TSEN2: variants seen among roughly 807,000 people sequenced by gnomAD.
TSEN2 encodes the protein tRNA splicing endonuclease subunit 2, also known as tRNA-splicing endonuclease subunit Sen2.
TSEN2 carries 54 observed loss-of-function variants against 59.2 expected under a neutral mutation model. That is an observed-to-expected ratio of 0.91 (90% CI 0.73 to 1.14). The LOEUF (loss-of-function observed/expected upper bound fraction) is 1.14. TSEN2 is among the 50% of genes most tolerant of loss of function. TSEN2 has a pLI of 0.00. For synonymous variants in TSEN2, 195 were observed against 198.2 expected (o/e 0.98, Z 0.14); for missense variants, 636 against 576.2 (o/e 1.10, Z -1.06).
rs778594128 is a variant in TSEN2, at chr3:12,503,639, T to G, written c.686T>G (p.Ile229Ser). 1.7e-5 allele frequency: 27 copies of G among 1,598,638 alleles called. No individual in the cohort carries two copies. In the South Asian group the frequency reaches 2.8e-4, roughly 17 times the overall value. The change falls in exon 5 of 12, where the codon ATC (isoleucine) becomes AGC (serine). Residue 229 changes from isoleucine (I) to serine (S), a missense_variant. Transcript: ENST00000284995. ...HVCCCKQDALILQRGLHHEDG... is the reference protein window; with the variant it reads ...HVCCCKQDALSLQRGLHHEDG... ...TGTTGCTGCAAACAAGATGCTCTCA[T>G]CCTCCAGCGTGGCCTTCATCATGAA...
chr3:12,514,162 G>C (rs2055802110), intron 6 of TSEN2, among the ~76,000 whole-genome samples: 1 of 152,202 alleles, frequency 6.6e-6, no homozygotes, highest in African/African-American at 2.4e-5. Flanking sequence ...CTTAGACTTG[G>C]TGGCCAGGGA....
chr3:12,490,010 T>G (rs974447422), intron 2 of TSEN2, 21 bp downstream of exon 2: 1 of 1,612,964 alleles, frequency 6.2e-7, no homozygotes, highest in Non-Finnish European at 8.5e-7. Flanking sequence ...GCAGCCTTGG[T>G]AAGATTACTT....
At chr3:12,494,145 G>A (rs1384857719) in intron 3 of TSEN2, among the ~76,000 whole-genome samples, 1 of 152,194 alleles carries the variant, frequency 6.6e-6, no homozygotes, top group Non-Finnish European at 1.5e-5. Flanking sequence ...AAAAGAAATA[G>A]CACAGGGCTA....
chr3:12,533,933 A>G (rs1004269897), downstream of TSEN2, among the ~76,000 whole-genome samples: 5 of 152,198 alleles, frequency 3.3e-5, no homozygotes, highest in African/African-American at 1.2e-4. Context: ...CTGTGTATTT[A>G]TCCCTGCAGC....
chr3:12,519,639 G>A (rs111973309), intron 8 of TSEN2, among the ~76,000 whole-genome samples: 10,051 of 152,148 alleles, frequency 0.066, 476 homozygotes, highest in Non-Finnish European at 0.099. Context: ...CCAGCTACTC[G>A]GGAGGCTGAG....
intron 6 of TSEN2, among the ~76,000 whole-genome samples, chr3:12,509,908 A>G (rs1405253618): frequency 3.9e-5 from 6 of 152,204 alleles, no homozygotes; most frequent in Admixed American, 3.3e-4. Flanking sequence ...GCCGAAGGGT[A>G]ATATAATTGG....
chr3:12,483,681 T>TC (rs2124848259), upstream of TSEN2, among the ~76,000 whole-genome samples: 1 of 152,234 alleles, frequency 6.6e-6, no homozygotes, highest in East Asian at 1.9e-4. Context: ...TTGCCACACT[T>TC]CCTTGCCATC....
chr3:12,483,034 T>A (rs2124845540), upstream of TSEN2, among the ~76,000 whole-genome samples: 1 of 152,344 alleles, frequency 6.6e-6, no homozygotes, highest in East Asian at 1.9e-4. Context: ...ACCCACTGAA[T>A]GCTGCGACAT....
chr3:12,494,035 T>C (rs1183148978), intron 3 of TSEN2, among the ~76,000 whole-genome samples: 4 of 152,236 alleles, frequency 2.6e-5, no homozygotes, highest in African/African-American at 9.6e-5. Flanking sequence ...CTTCATTGTT[T>C]TGCCTGTGGA....
chr3:12,495,579 CTT>C (rs2053666311), intron 3 of TSEN2, among the ~76,000 whole-genome samples: 1 of 152,212 alleles, frequency 6.6e-6, no homozygotes, highest in African/African-American at 2.4e-5. Flanking sequence ...ATCGGATAGA[CTT>C]TGCATCAGTT....
intron 10 of TSEN2, 193 bp downstream of exon 10, chr3:12,530,066 C>T: frequency 7.0e-7 from 1 of 1,430,546 alleles, no homozygotes; most frequent in Non-Finnish European, 9.1e-7. Flanking sequence ...CCTCATGTTA[C>T]ATTTTATTGT....
At chr3:12,495,126 C>CAAAAAAAAA (rs1160986136) in intron 3 of TSEN2, among the ~76,000 whole-genome samples, 1 of 68,698 alleles carries the variant, frequency 1.5e-5, no homozygotes, top group Non-Finnish European at 2.6e-5. Context: ...ACTCCGTCTC[C>CAAAAAAAAA]AAAAAAAAAA....
intron 6 of TSEN2, chr3:12,511,198 T>G (rs1020418496): frequency 6.6e-6 from 1 of 152,142 alleles, no homozygotes; most frequent in Admixed American, 6.6e-5. Flanking sequence ...ACATTGAGAG[T>G]AGCATGGCTG....
Position 12,501,745 on chromosome 3 carries a change from A to G in TSEN2, c.309-1517A>G, listed in dbSNP as rs367912813. 1.1e-4 allele frequency among the ~76,000 whole-genome samples: 16 copies of G among 152,310 alleles called. 1 individual carries two copies. The highest frequency in any genetic ancestry group is 7.8e-4 in the Admixed American group (12 of 15,296). On this transcript the variant is annotated intron_variant, in intron 4 of 11. Transcript: ENST00000284995. ...ACCAGGTAAAAGAAGGTGAAAAGTAAAGTTACATCTGCCTTCTCACAAGCC... is the reference window on the plus strand; with the variant it reads ...ACCAGGTAAAAGAAGGTGAAAAGTAGAGTTACATCTGCCTTCTCACAAGCC...
chr3:12,515,051 G>A (rs899052028), intron 6 of TSEN2: 1 of 152,140 alleles, frequency 6.6e-6, no homozygotes, highest in African/African-American at 2.4e-5. Flanking sequence ...ATAACACCAC[G>A]TTATTATTAT....
chr3:12,515,575 G>A (rs1407691019), intron 6 of TSEN2, among the ~76,000 whole-genome samples: 1 of 152,224 alleles, frequency 6.6e-6, no homozygotes, highest in Non-Finnish European at 1.5e-5. Flanking sequence ...GGTATCTGTA[G>A]ACCCTAAGCG....
chr3:12,520,839 T>C (rs2056581637), intron 8 of TSEN2, among the ~76,000 whole-genome samples: 1 of 152,148 alleles, frequency 6.6e-6, no homozygotes, highest in Non-Finnish European at 1.5e-5. Context: ...GTTACATGGG[T>C]AAATTCATGT....
rs1414876854 is a variant in TSEN2, at chr3:12,532,683, G to A, written c.1360G>A (p.Val454Ile). Residue 454 changes from valine (V) to isoleucine (I), a missense_variant, in exon 12 of 12, where the codon GTT (valine) becomes ATT (isoleucine). Physicochemically the swap from Val to Ile is conservative, Grantham distance 29. Transcript: ENST00000284995. ...GTAGGAGGTGATTCTGAGTCGATGG[G>A]TTTCTTCACGAGAGAGGAGTGACCA... Reference protein sequence around the residue: ...KVQEVILSRWVSSRERSDQDD... With the variant: ...KVQEVILSRWISSRERSDQDD... 5.6e-6 allele frequency: 9 copies of A among 1,613,996 alleles called. No homozygotes were observed. The highest frequency in any genetic ancestry group is 7.6e-6 in the Non-Finnish European group (9 of 1,180,028).
At chr3:12,488,301 G>A (rs562245772) in intron 1 of TSEN2, among the ~76,000 whole-genome samples, 10 of 152,284 alleles carry the variant, frequency 6.6e-5, no homozygotes, top group Admixed American at 2.0e-4. Context: ...AGTCATGTAG[G>A]TTAAACGTGT....
Sources: gnomAD v4.1 joint callset for allele counts (sites outside exome capture counted in the v4.1 genomes callset) on GRCh38, gnomAD v4.1.1 for gene constraint, MANE v1.5 for transcripts, NCBI Gene and HGNC (gene_info 2026-07-23, HGNC 2026-07-21) for gene names.